GPATCH1: variants seen among roughly 807,000 people sequenced by gnomAD.
The protein encoded by GPATCH1 is G patch domain-containing protein 1.
A neutral mutation model predicts 114.9 loss-of-function variants in GPATCH1; 73 were observed. That is an observed-to-expected ratio of 0.64 (90% CI 0.53 to 0.77). GPATCH1 has a LOEUF of 0.77. Among genes scored for constraint, GPATCH1 ranks in the 30% least tolerant of loss-of-function variants. GPATCH1 has a pLI of 0.00. For missense variants in GPATCH1, 1,058 were observed against 1,144.3 expected (o/e 0.92, Z 1.09); for synonymous variants, 391 against 428.4 (o/e 0.91, Z 1.08).
At position 33,093,381 on chromosome 19, in the gene GPATCH1, C is replaced by G; in HGVS notation, c.317C>G (p.Ala106Gly). The G allele has an allele frequency of 6.2e-7, 1 of 1,612,358 alleles. No individual in the cohort carries two copies. The highest frequency in any genetic ancestry group is 8.5e-7 in the Non-Finnish European group (1 of 1,178,682). The change falls in exon 4 of 20, where the codon GCA becomes GGA. Residue 106 changes from alanine (A) to glycine (G), a missense_variant. Ala to Gly is a moderately conservative substitution (Grantham distance 60, BLOSUM62 0). Around this residue, in one of 3 missense-constraint regions of GPATCH1, gnomAD observed 34 missense variants for 59.6 expected, o/e 0.57. Coordinates refer to ENST00000170564, the MANE Select transcript of GPATCH1 (RefSeq NM_018025.3). ...DEEDLSEFGI[A>G]PKAIVTTDDF... Reference sequence around the variant, plus strand: ...AAGGATCTTAGTGAATTTGGGATAGCACCTAAAGCGATTGTCACCACAGAC... The same window carrying G: ...AAGGATCTTAGTGAATTTGGGATAGGACCTAAAGCGATTGTCACCACAGAC...
rs990080398 is a variant in GPATCH1 at position 33,120,645 on chromosome 19, C to T, written c.2521+1528C>T. Among the ~76,000 whole-genome samples, 140 of 151,342 alleles carry T rather than the reference C, an allele frequency of 9.3e-4. 2 individuals are homozygous for T. Among genetic ancestry groups the T allele is most frequent in the Non-Finnish European group, 3.7e-4 (25 of 67,936 alleles). ...CCAAGGCAGACAGATCGCTTGAGCC[C>T]AGTAGTCCGAGACAAGCCCAGCCTG... On this transcript the variant is annotated intron_variant, in intron 17 of 19. Transcript: ENST00000170564.
intron 1 of GPATCH1, among the ~76,000 whole-genome samples, chr19:33,085,448 G>T (rs189794581): frequency 6.6e-6 from 1 of 151,964 alleles, no homozygotes; most frequent in South Asian, 2.1e-4. Context: ...CTAATGACTC[G>T]AACCACTCCT....
At chr19:33,097,028 C>T (rs147496952) in intron 7 of GPATCH1, among the ~76,000 whole-genome samples, 5,361 of 151,930 alleles carry the variant, frequency 0.035, 132 homozygotes, top group East Asian at 0.09. Flanking sequence ...TCACCGCAAC[C>T]TCCACCTCCC....
intron 1 of GPATCH1, among the ~76,000 whole-genome samples, chr19:33,083,105 G>T (rs969776474): frequency 2.2e-5 from 3 of 134,868 alleles, no homozygotes; most frequent in South Asian, 4.9e-4. Flanking sequence ...GCTGGGCGTG[G>T]TGGGGGGGGG....
Position 33,114,406 on chromosome 19 carries a change from T to C in GPATCH1, c.2183T>C (p.Leu728Ser), listed in dbSNP as rs10421769. The change falls in exon 15 of 20, where the codon TTA becomes TCA. Residue 728 changes from leucine to serine, a missense_variant. Leu to Ser is a moderately radical substitution (Grantham distance 145). Around this residue, in one of 3 missense-constraint regions of GPATCH1, gnomAD observed 893 missense variants for 977.4 expected, o/e 0.91. Transcript: ENST00000170564. ...AAAGAGGAAGAGCATGCACCAGAAT[T>C]ATCCGCAAATCAGGTATTTGGGGCT... ...VNKEEEHAPELSANQTVNKDV... is the reference protein window; with the variant it reads ...VNKEEEHAPESSANQTVNKDV... 679,636 of 1,587,690 alleles carry C rather than the reference T, an allele frequency of 0.43. 174,356 individuals are homozygous for C. Among genetic ancestry groups the C allele is most frequent in the East Asian group, 1 (44,584 of 44,702 alleles).
intron 8 of GPATCH1, among the ~76,000 whole-genome samples, chr19:33,100,959 A>G (rs1418376730): frequency 6.6e-6 from 1 of 152,150 alleles, no homozygotes; most frequent in Non-Finnish European, 1.5e-5. Flanking sequence ...GGCATTGGTC[A>G]TTCAGTTTCC....
At chr19:33,130,049 G>A (rs780054677) in intron 19 of GPATCH1, 81 bp from the exon 20 acceptor site, 5 of 991,568 alleles carry the variant, frequency 5.0e-6, no homozygotes, top group Non-Finnish European at 8.1e-6. Context: ...GGGAGGCCTG[G>A]CATTCTCAGC....
intron 1 of GPATCH1, among the ~76,000 whole-genome samples, chr19:33,084,524 C>A (rs1028384149): frequency 6.6e-6 from 1 of 152,182 alleles, no homozygotes; most frequent in Non-Finnish European, 1.5e-5. Context: ...CCCTCGCCCC[C>A]AGGACACACT....
rs1207486133 is a variant in GPATCH1 at position 33,125,138 on chromosome 19, A to G, written c.2555A>G (p.Glu852Gly). The G allele has an allele frequency of 6.2e-7, 1 of 1,601,398 alleles. No homozygotes were observed. The highest frequency in any genetic ancestry group is 8.5e-7 in the Non-Finnish European group (1 of 1,173,614). The stretch of plus-strand genomic sequence containing the variant: ...CAGACACTTGAGGTTCCTCAAAAAG[A>G]GAAACATAAAAAGAACAAAGACAAG... ...ARQTLEVPQKEKHKKNKDKHK... is the reference protein window; with the variant it reads ...ARQTLEVPQKGKHKKNKDKHK... The change falls in exon 18 of 20, where the codon GAG (glutamate) becomes GGG (glycine). Residue 852 changes from glutamate (E) to glycine (G), a missense_variant. Glu to Gly is a moderately conservative substitution (Grantham distance 98). Coordinates refer to ENST00000170564, the MANE Select transcript of GPATCH1 (RefSeq NM_018025.3).
rs78310250 is a variant in GPATCH1 at position 33,130,166 on chromosome 19, T to C, written c.*6T>C. 1.9e-6 allele frequency: 3 copies of C among 1,600,868 alleles called. No homozygotes were observed. The highest frequency in any genetic ancestry group is 2.2e-5 in the East Asian group (1 of 44,820). Reference sequence around the variant, plus strand: ...TTCCACTAAGAAGGCAGTAATTGAATGCTGCCCTGGCTCGTCCTAGAATCA... The same window carrying C: ...TTCCACTAAGAAGGCAGTAATTGAACGCTGCCCTGGCTCGTCCTAGAATCA... On this transcript the variant is annotated 3_prime_UTR_variant, in exon 20 of 20. Transcript: ENST00000170564.
intron 12 of GPATCH1, 103 bp from the exon 13 acceptor site, chr19:33,112,383 C>CT (rs1972865845): frequency 3.1e-6 from 3 of 954,540 alleles, no homozygotes; most frequent in Non-Finnish European, 4.3e-6. Context: ...ATAGCACAAA[C>CT]TTTTTTCACA....
In GPATCH1 at chr19:33,112,563, C is replaced by A. The variant is rs1972869170; in HGVS notation, c.1842C>A (p.His614Gln). The change falls in exon 13 of 20, where the codon CAC becomes CAA. Residue 614 changes from histidine (H) to glutamine (Q), a missense_variant. Around this residue, in one of 3 missense-constraint regions of GPATCH1, gnomAD observed 893 missense variants for 977.4 expected, o/e 0.91. Transcript: ENST00000170564. ...GKLTRDTFEW[H>Q]PDKLLCKRFN... ...TCACCCGAGACACGTTTGAGTGGCA[C>A]CCTGACAAGCTTCTATGTAAGAGAT... 4 of 1,613,692 alleles carry A rather than the reference C, an allele frequency of 2.5e-6. No homozygotes were observed.
intron 9 of GPATCH1, among the ~76,000 whole-genome samples, chr19:33,103,874 C>T (rs1258252020): frequency 6.6e-6 from 1 of 152,022 alleles, no homozygotes; most frequent in Non-Finnish European, 1.5e-5. Flanking sequence ...AGACACAGTC[C>T]TGGGGGTTCC....
At chr19:33,125,402 G>A (rs1385580946) in intron 18 of GPATCH1, among the ~76,000 whole-genome samples, 200 bp downstream of exon 18, 7 of 150,300 alleles carry the variant, frequency 4.7e-5, no homozygotes, top group African/African-American at 1.2e-4. Context: ...ACGCCCCCCC[G>A]CTTTTTTTTT....
At chr19:33,126,897 G>A (rs551664816) in intron 19 of GPATCH1, among the ~76,000 whole-genome samples, 164 bp downstream of exon 19, 7 of 151,476 alleles carry the variant, frequency 4.6e-5, no homozygotes, top group Admixed American at 2.0e-4. Flanking sequence ...CAGGAGGATC[G>A]CTTGAGCCCA....
chr19:33,109,671 T>A, intron 10 of GPATCH1, 46 bp from the exon 11 acceptor site: 1 of 1,236,770 alleles, frequency 8.1e-7, no homozygotes, highest in Non-Finnish European at 1.1e-6. Flanking sequence ...TAAATGTGGT[T>A]GTCTCATGGC....
At position 33,106,867 on chromosome 19, in the gene GPATCH1, G is replaced by T. The variant is rs192904363; in HGVS notation, c.1253G>T (p.Arg418Leu). ...AAGCACCAACTGAATGCCTCCAAAC[G>T]GGCTGAGTTGCTTGGAGAGACGCCT... ...HSKHQLNASK[R>L]AELLGETPIQ... Residue 418 changes from arginine (R) to leucine (L), a missense_variant, in exon 10 of 20, where the codon CGG becomes CTG. Around this residue, in one of 3 missense-constraint regions of GPATCH1, gnomAD observed 893 missense variants for 977.4 expected, o/e 0.91. Coordinates refer to ENST00000170564, the MANE Select transcript of GPATCH1 (RefSeq NM_018025.3). The T allele has an allele frequency of 5.3e-5, 85 of 1,613,800 alleles. No homozygotes were observed. The highest frequency in any genetic ancestry group is 7.1e-5 in the Non-Finnish European group (84 of 1,179,946).
At chr19:33,108,989 G>A (rs1302058488) in intron 10 of GPATCH1, among the ~76,000 whole-genome samples, 1 of 152,196 alleles carries the variant, frequency 6.6e-6, no homozygotes, top group African/African-American at 2.4e-5. Flanking sequence ...GGAGGCCAAG[G>A]TGGGATGATC....
chr19:33,126,847 T>A, intron 19 of GPATCH1, 114 bp downstream of exon 19: 1 of 885,672 alleles, frequency 1.1e-6, no homozygotes, highest in Non-Finnish European at 1.7e-6. Flanking sequence ...CCGGGTGCAG[T>A]GGCTCACGCC....
Sources: allele counts gnomAD v4.1 joint callset (sites outside exome capture counted in the v4.1 genomes callset), GRCh38; gene constraint gnomAD v4.1.1; regional missense constraint gnomAD v4.1.1; transcripts MANE v1.5; gene names NCBI Gene and HGNC (gene_info 2026-07-23, HGNC 2026-07-21).